LRBA: variants seen among roughly 807,000 people sequenced by gnomAD.
LRBA encodes the protein LPS responsive beige-like anchor protein.
In LRBA, 176 loss-of-function variants were observed where a neutral mutation model predicts 330.0. The ratio of observed to expected loss-of-function variants is 0.53; its 90% CI spans 0.47 to 0.60. LRBA has a LOEUF of 0.60. Among genes scored for constraint, LRBA ranks in the 20% least tolerant of loss-of-function variants. The pLI, the probability that LRBA is intolerant of heterozygous loss-of-function variation, is 0.00. For missense variants in LRBA, 3,259 were observed against 3,444.8 expected (o/e 0.95, Z 1.35); for synonymous variants, 1,230 against 1,193.0 (o/e 1.03, Z -0.64).
chr4:150,745,345 A>G (rs1732542379), intron 35 of LRBA, among the ~76,000 whole-genome samples: 1 of 152,194 alleles, frequency 6.6e-6, no homozygotes, highest in African/African-American at 2.4e-5. Context: ...GTTTGCTATC[A>G]TATCTCTATA....
intron 48 of LRBA, among the ~76,000 whole-genome samples, chr4:150,327,238 G>A (rs1304044580): frequency 1.3e-5 from 2 of 151,942 alleles, no homozygotes; most frequent in Non-Finnish European, 1.5e-5. Flanking sequence ...GGCCTACATA[G>A]TAAGACCCTG....
At chr4:150,305,765 C>T (rs994440711) in intron 52 of LRBA, among the ~76,000 whole-genome samples, 6 of 152,124 alleles carry the variant, frequency 3.9e-5, no homozygotes, top group African/African-American at 1.4e-4. Context: ...ATACTTTGGG[C>T]TCAACTCTGG....
intron 23 of LRBA, 120 bp from the exon 24 acceptor site, chr4:150,851,022 A>T: frequency 1.6e-6 from 1 of 631,838 alleles, no homozygotes. Context: ...ACACTATAAG[A>T]ACCAAATTAG....
intron 47 of LRBA, among the ~76,000 whole-genome samples, chr4:150,379,956 A>C (rs974489108): frequency 1.3e-5 from 2 of 148,970 alleles, no homozygotes; most frequent in African/African-American, 4.9e-5. Context: ...TGAGGTCAGG[A>C]GTTCAAGACC....
At chr4:150,339,344 A>G (rs1349992458) in intron 48 of LRBA, among the ~76,000 whole-genome samples, 1 of 152,194 alleles carries the variant, frequency 6.6e-6, no homozygotes, top group Non-Finnish European at 1.5e-5. Context: ...GTACCCTAAC[A>G]ACATTGAATG....
intron 26 of LRBA, among the ~76,000 whole-genome samples, chr4:150,848,134 C>T (rs560865378): frequency 6.6e-6 from 1 of 152,210 alleles, no homozygotes; most frequent in East Asian, 1.9e-4. Flanking sequence ...GCTGCCTCAG[C>T]CTCCCAAGTA....
At chr4:150,438,554 T>C (rs947695170) in intron 44 of LRBA, among the ~76,000 whole-genome samples, 29 of 152,182 alleles carry the variant, frequency 1.9e-4, no homozygotes, top group African/African-American at 6.3e-4. Flanking sequence ...TTTTGCCTTA[T>C]ATCATTTATG....
chr4:150,341,306 C>T (rs576107288), intron 48 of LRBA, among the ~76,000 whole-genome samples: 1 of 152,154 alleles, frequency 6.6e-6, no homozygotes, highest in East Asian at 1.9e-4. Flanking sequence ...GAACTACAGG[C>T]GCATACCACC....
At chr4:150,318,337 ATTAT>A (rs755769310) in intron 50 of LRBA, among the ~76,000 whole-genome samples, 3 of 152,300 alleles carry the variant, frequency 2.0e-5, no homozygotes, top group South Asian at 2.1e-4. Context: ...GAGGTTAAAG[ATTAT>A]TTATTTTCTA....
chr4:150,572,097 T>C (rs989052700), intron 40 of LRBA, among the ~76,000 whole-genome samples: 2 of 152,076 alleles, frequency 1.3e-5, no homozygotes, highest in Non-Finnish European at 2.9e-5. Flanking sequence ...GAGCATAAAT[T>C]GTATCTTTTT....
chr4:150,397,263 C>T (rs927223704), intron 47 of LRBA, among the ~76,000 whole-genome samples: 3 of 151,982 alleles, frequency 2.0e-5, no homozygotes, highest in South Asian at 2.1e-4. Context: ...ATACAATGTA[C>T]GATACAAAAA....
Position 150,315,605 on chromosome 4 carries a change from T to A in LRBA, c.7649A>T (p.Gln2550Leu). 1 of 1,598,808 alleles carries A rather than the reference T, an allele frequency of 6.3e-7. No individual in the cohort carries two copies. Among genetic ancestry groups the A allele is most frequent in the Non-Finnish European group, 8.5e-7 (1 of 1,175,476 alleles). Residue 2550 changes from glutamine to leucine, a missense_variant, in exon 51 of 57, where the codon CAA (glutamine) becomes CTA (leucine). Physicochemically the swap from Gln to Leu is moderately radical, Grantham distance 113 (BLOSUM62 -2). Transcript: ENST00000651943. ...HNLPAHQGAV[Q>L]DQPYQLPVEI... ...CACTGGCAGCTGGTATGGCTGGTCT[T>A]GTACAGCACCTTGATGAGCTGGAAT...
chr4:150,467,584 AT>A (rs2152061724), intron 44 of LRBA, 88 bp downstream of exon 44: 1 of 785,066 alleles, frequency 1.3e-6, no homozygotes, highest in African/African-American at 1.8e-5. Flanking sequence ...TTTGAAAAAA[AT>A]TTTTAAGTTA....
intron 2 of LRBA, among the ~76,000 whole-genome samples, chr4:150,956,274 A>C (rs1737541791): frequency 6.7e-6 from 1 of 149,042 alleles, no homozygotes; most frequent in African/African-American, 2.6e-5. Context: ...ACTTAGATAA[A>C]AGGAGCAAAT....
At chr4:150,359,482 G>A (rs1738360070) in intron 47 of LRBA, among the ~76,000 whole-genome samples, 1 of 152,182 alleles carries the variant, frequency 6.6e-6, no homozygotes, top group Admixed American at 6.5e-5. Flanking sequence ...GATTACCAGT[G>A]TGAGGGGTGA....
chr4:150,872,666 G>A lies in LRBA; in HGVS notation c.2255C>T (p.Pro752Leu). ...TCTTAGATTTCGGCATACTTACTTT[G>A]GGGCCAGATGTTTTAAAAAATAACC... ...AMGYFLKHLA[P>L]KRKAEVMLGH... The change falls in exon 18 of 57, where the codon CCA (proline) becomes CTA (leucine). Residue 752 changes from proline to leucine, a missense_variant. Transcript: ENST00000651943. The A allele has an allele frequency of 6.2e-7, 1 of 1,600,206 alleles. No individual in the cohort carries two copies. Among genetic ancestry groups the A allele is most frequent in the Middle Eastern group, 1.7e-4 (1 of 6,024 alleles).
At chr4:150,935,336 G>A (rs1408440345) in intron 2 of LRBA, among the ~76,000 whole-genome samples, 2 of 152,118 alleles carry the variant, frequency 1.3e-5, no homozygotes, top group South Asian at 4.1e-4. Context: ...ACATTCATAA[G>A]TTTTCCTAAA....
intron 56 of LRBA, among the ~76,000 whole-genome samples, chr4:150,273,056 A>G (rs957055166): frequency 1.3e-5 from 2 of 152,208 alleles, no homozygotes; most frequent in Non-Finnish European, 2.9e-5. Flanking sequence ...AAGGGCAGCC[A>G]GAAAGAAAGG....
chr4:150,743,046 C>A (rs897194599), intron 35 of LRBA, among the ~76,000 whole-genome samples: 2 of 152,174 alleles, frequency 1.3e-5, no homozygotes, highest in Non-Finnish European at 2.9e-5. Context: ...CAGCTCACTG[C>A]AACCTCCGCT....
Sources: gnomAD v4.1 joint callset for allele counts (sites outside exome capture counted in the v4.1 genomes callset) on GRCh38, gnomAD v4.1.1 for gene constraint, MANE v1.5 for transcripts, NCBI Gene and HGNC (gene_info 2026-07-23, HGNC 2026-07-21) for gene names.